The following DACH2 variants were observed in gnomAD, a reference collection of about 807,000 sequenced individuals.
DACH2 encodes the protein dachshund homolog 2.
DACH2 carries 17 observed loss-of-function variants against 35.8 expected under a neutral mutation model. The ratio of observed to expected loss-of-function variants is 0.48; its 90% CI spans 0.33 to 0.71. The LOEUF is 0.71. Among genes scored for constraint, DACH2 ranks in the 30% least tolerant of loss-of-function variants. DACH2 has a pLI of 0.02. For synonymous variants in DACH2, 195 were observed against 177.3 expected (o/e 1.10, Z -0.79); for missense variants, 469 against 472.7 (o/e 0.99, Z 0.07).
chrX:86,437,303 ATC>A (rs754818254), intron 2 of DACH2, among the ~76,000 whole-genome samples: 27 of 111,350 alleles, frequency 2.4e-4, no homozygotes, highest in Non-Finnish European at 4.5e-4. Context: ...ACATTTCAAG[ATC>A]TCTCTTTCAG....
At chrX:86,505,283 G>A (rs1242541323) in intron 2 of DACH2, among the ~76,000 whole-genome samples, 1 of 111,724 alleles carries the variant, frequency 9.0e-6, no homozygotes, top group Non-Finnish European at 1.9e-5. Context: ...AAAATCTGTG[G>A]TAAAATACAC....
chrX:86,438,022 C>A (rs1355880064), intron 2 of DACH2, among the ~76,000 whole-genome samples: 2 of 108,776 alleles, frequency 1.8e-5, no homozygotes, highest in East Asian at 5.8e-4. Flanking sequence ...CTGAGTATCT[C>A]CTCCTCCTCC....
intron 2 of DACH2, among the ~76,000 whole-genome samples, chrX:86,400,073 T>C (rs916024139): frequency 1.8e-5 from 2 of 111,615 alleles, no homozygotes; most frequent in South Asian, 7.6e-4. Context: ...GGAGGCTTTG[T>C]TCATTTCTTT....
At chrX:86,230,723 T>G (rs2032930620) in intron 1 of DACH2, among the ~76,000 whole-genome samples, 1 of 111,523 alleles carries the variant, frequency 9.0e-6, no homozygotes, top group African/African-American at 3.3e-5. Context: ...GAGGGTTGTT[T>G]TTTCCAGGAA....
intron 4 of DACH2, 119 bp downstream of exon 4, chrX:86,651,286 A>C: frequency 4.2e-6 from 3 of 711,110 alleles, no homozygotes; most frequent in Non-Finnish European, 5.9e-6. Flanking sequence ...AAAGATACTC[A>C]AGAGGGATGA....
chrX:86,580,130 G>A (rs931892940), intron 3 of DACH2, among the ~76,000 whole-genome samples: 3 of 111,687 alleles, frequency 2.7e-5, no homozygotes, highest in East Asian at 5.7e-4. Context: ...GTCTTAGCCC[G>A]CTAAAATCTT....
At chrX:86,291,968 T>C in intron 1 of DACH2, among the ~76,000 whole-genome samples, 1 of 69,567 alleles carries the variant, frequency 1.4e-5, no homozygotes, top group Non-Finnish European at 2.6e-5. Flanking sequence ...TTCCCTCTTT[T>C]TCTATTGATT....
chrX:86,358,511 G>T (rs2035681888), intron 1 of DACH2, among the ~76,000 whole-genome samples: 2 of 107,505 alleles, frequency 1.9e-5, no homozygotes, highest in Non-Finnish European at 3.9e-5. Context: ...AGCAATTATG[G>T]AGTGATGGCA....
chrX:86,712,857 T>C (rs1485697480), intron 5 of DACH2, among the ~76,000 whole-genome samples: 1 of 111,319 alleles, frequency 9.0e-6, no homozygotes, highest in Non-Finnish European at 1.9e-5. Context: ...CTCCAGGATA[T>C]GGAGTCAGAT....
intron 1 of DACH2, among the ~76,000 whole-genome samples, chrX:86,368,999 A>G (rs890201266): frequency 1.8e-5 from 2 of 111,479 alleles, no homozygotes; most frequent in African/African-American, 6.5e-5. Context: ...CACTTTCTAC[A>G]TATATAATTT....
chrX:86,267,784 TC>T (rs894909598), intron 1 of DACH2, among the ~76,000 whole-genome samples: 7 of 112,346 alleles, frequency 6.2e-5, no homozygotes, highest in African/African-American at 1.6e-4. Flanking sequence ...TTAAAATCAT[TC>T]CTGGCTTAGG....
intron 3 of DACH2, among the ~76,000 whole-genome samples, chrX:86,579,700 GTTA>G: frequency 8.9e-6 from 1 of 112,023 alleles, no homozygotes; most frequent in South Asian, 3.7e-4. Flanking sequence ...TATGGATCTT[GTTA>G]TTGTTTTACA....
chrX:86,642,714 A>T (rs1486045554), intron 3 of DACH2, among the ~76,000 whole-genome samples: 2 of 112,032 alleles, frequency 1.8e-5, no homozygotes, highest in African/African-American at 6.5e-5. Flanking sequence ...AACATAAAAC[A>T]ATCCCCAACA....
At chrX:86,517,169 C>T (rs1008044228) in intron 3 of DACH2, among the ~76,000 whole-genome samples, 3 of 111,592 alleles carry the variant, frequency 2.7e-5, no homozygotes, top group Non-Finnish European at 1.9e-5. Context: ...TACACTTCCA[C>T]CAACAATGTA....
chrX:86,632,602 G>C (rs1314958027), intron 3 of DACH2, among the ~76,000 whole-genome samples: 2 of 110,410 alleles, frequency 1.8e-5, no homozygotes, highest in African/African-American at 6.6e-5. Flanking sequence ...ATGGGGACAA[G>C]GTAGTCCCTC....
chrX:86,812,436 T>C (rs1372950804), intron 7 of DACH2, among the ~76,000 whole-genome samples: 1 of 111,896 alleles, frequency 8.9e-6, no homozygotes. Context: ...AGGTGAATTT[T>C]ATTGTATGTA....
intron 2 of DACH2, among the ~76,000 whole-genome samples, chrX:86,438,470 C>T (rs1320187310): frequency 9.0e-6 from 1 of 110,868 alleles, no homozygotes; most frequent in Non-Finnish European, 1.9e-5. Flanking sequence ...AGGTGATCCA[C>T]CTGCCTCGAC....
chrX:86,705,219 A>G (rs1385817496), intron 5 of DACH2, among the ~76,000 whole-genome samples: 1 of 109,870 alleles, frequency 9.1e-6, no homozygotes, highest in Non-Finnish European at 1.9e-5. Flanking sequence ...GTGTGTTCCC[A>G]CTCATAAGCG....
rs775494675 is a variant in DACH2, at chrX:86,409,646, A to T, written c.527+32784A>T. ...TGAGACCTCCCCAGAAGTAGATGCC[A>T]CCACACTTTCTGTATACCCTATAGA... On this transcript the variant is annotated intron_variant, in intron 2 of 11. Transcript: ENST00000373125. 3.6e-5 allele frequency among the ~76,000 whole-genome samples: 4 copies of T among 111,648 alleles called. No homozygotes were observed. In the East Asian group the frequency reaches 1.1e-3, roughly 32 times the overall value.
Sources: gnomAD v4.1 joint callset for allele counts (sites outside exome capture counted in the v4.1 genomes callset) on GRCh38, gnomAD v4.1.1 for gene constraint, MANE v1.5 for transcripts, NCBI Gene and HGNC (gene_info 2026-07-23, HGNC 2026-07-21) for gene names.